TRPS1: variants seen among roughly 807,000 people sequenced by gnomAD.
TRPS1 encodes the protein transcriptional repressor GATA binding 1.
TRPS1 carries 6 observed loss-of-function variants against 101.2 expected under a neutral mutation model. The observed-to-expected ratio is 0.06, with a 90% CI of 0.03 to 0.12. TRPS1 has a LOEUF of 0.12. TRPS1 is among the 10% of genes least tolerant of loss of function. The pLI, the probability that TRPS1 is intolerant of heterozygous loss-of-function variation, is 1.00. For missense variants in TRPS1, 1,363 were observed against 1,567.0 expected, an observed-to-expected ratio of 0.87 and a Z score of 2.20; for synonymous variants, 578 against 589.8, an observed-to-expected ratio of 0.98 and a Z score of 0.29.
intron 5 of TRPS1, among the ~76,000 whole-genome samples, chr8:115,520,623 T>A (rs748784623): frequency 6.6e-6 from 1 of 151,844 alleles, no homozygotes; most frequent in Non-Finnish European, 1.5e-5. Flanking sequence ...GGCATGTTCT[T>A]TTAATATACA....
chr8:115,507,309 G>T (rs1208938074), intron 5 of TRPS1, among the ~76,000 whole-genome samples: 2 of 151,906 alleles, frequency 1.3e-5, no homozygotes, highest in African/African-American at 4.8e-5. Flanking sequence ...ATATATAAGG[G>T]GTTTTCAAAT....
At chr8:115,585,332 A>C (rs1338964411) in intron 5 of TRPS1, among the ~76,000 whole-genome samples, 1 of 152,206 alleles carries the variant, frequency 6.6e-6, no homozygotes, top group Non-Finnish European at 1.5e-5. Flanking sequence ...TGCTTAATAA[A>C]TTGTCATTTC....
intron 5 of TRPS1, among the ~76,000 whole-genome samples, chr8:115,483,740 C>G (rs534745009): frequency 6.6e-6 from 1 of 152,218 alleles, no homozygotes; most frequent in Admixed American, 6.5e-5. Flanking sequence ...TGAAAAGGTG[C>G]TATCTCCATC....
intron 4 of TRPS1, among the ~76,000 whole-genome samples, chr8:115,602,961 G>T (rs1185523065): frequency 1.3e-5 from 2 of 152,044 alleles, no homozygotes; most frequent in Non-Finnish European, 2.9e-5. Context: ...CAAACACACT[G>T]CCTTGTACTT....
chr8:115,658,724 A>G (rs1461931571), intron 1 of TRPS1, among the ~76,000 whole-genome samples: 1 of 152,180 alleles, frequency 6.6e-6, no homozygotes, highest in Non-Finnish European at 1.5e-5. Context: ...TACATGATGT[A>G]CATAAATGTA....
chr8:115,492,836 C>T (rs1284067513), intron 5 of TRPS1, among the ~76,000 whole-genome samples: 1 of 152,074 alleles, frequency 6.6e-6, no homozygotes, highest in African/African-American at 2.4e-5. Flanking sequence ...GCCTCAGCCT[C>T]CCGAGTAGCT....
At chr8:115,435,412 G>T (rs1485707100) in intron 5 of TRPS1, among the ~76,000 whole-genome samples, 1 of 152,164 alleles carries the variant, frequency 6.6e-6, no homozygotes, top group African/African-American at 2.4e-5. Flanking sequence ...TGGCTGCAGT[G>T]AAGGAAGAGG....
chr8:115,444,036 C>T (rs1275034070), intron 5 of TRPS1, among the ~76,000 whole-genome samples: 1 of 152,192 alleles, frequency 6.6e-6, no homozygotes, highest in Non-Finnish European at 1.5e-5. Context: ...GAAAAGCAAC[C>T]TAGGGCTCTC....
intron 5 of TRPS1, among the ~76,000 whole-genome samples, chr8:115,557,222 A>G (rs1816842515): frequency 6.6e-6 from 1 of 152,202 alleles, no homozygotes; most frequent in Admixed American, 6.5e-5. Flanking sequence ...CCCTCCCACA[A>G]TACATGGGAA....
At position 115,433,331 on chromosome 8, in the gene TRPS1, C is replaced by T. The variant is rs1007026977; in HGVS notation, c.2701-14879G>A. On this transcript the variant is annotated intron_variant, in intron 5 of 6. Transcript: ENST00000395715. ...GATAGTCAATTTCAAGGGAAAAATT[C>T]TCTAAGTTTCTTACAGAACACAAAA... 3.8e-4 allele frequency among the ~76,000 whole-genome samples: 58 copies of T among 151,800 alleles called. 1 individual carries two copies. The highest frequency in any genetic ancestry group is 3.5e-3 in the Admixed American group (54 of 15,234).
chr8:115,582,457 C>T (rs1450186553), intron 5 of TRPS1, among the ~76,000 whole-genome samples: 7 of 152,184 alleles, frequency 4.6e-5, no homozygotes. Context: ...ATAACATTCT[C>T]ATTGTACTGT....
At chr8:115,654,536 A>T (rs1811636844) in intron 1 of TRPS1, among the ~76,000 whole-genome samples, 3 of 152,182 alleles carry the variant, frequency 2.0e-5, no homozygotes, top group Non-Finnish European at 4.4e-5. Flanking sequence ...TGAATAAAGA[A>T]ACATCCATTT....
chr8:115,541,470 A>G (rs1221362116), intron 5 of TRPS1, among the ~76,000 whole-genome samples: 1 of 152,216 alleles, frequency 6.6e-6, no homozygotes, highest in Non-Finnish European at 1.5e-5. Context: ...TTCACCTTTA[A>G]AAAGTAACCT....
At chr8:115,668,224 A>G (rs1160478062) in intron 1 of TRPS1, 12 of 390,004 alleles carry the variant, frequency 3.1e-5, no homozygotes, top group African/African-American at 8.2e-5. Flanking sequence ...AGGAAGGGGG[A>G]AAAAGGGAGC....
chr8:115,533,436 G>GTTTTTGTTTTT (rs1816187955), intron 5 of TRPS1, among the ~76,000 whole-genome samples: 2 of 34,986 alleles, frequency 5.7e-5, no homozygotes, highest in African/African-American at 2.1e-4. Flanking sequence ...CATGTAATCT[G>GTTTTTGTTTTT]TTTTTTTTTT....
chr8:115,486,587 C>CT (rs777350025), intron 5 of TRPS1, among the ~76,000 whole-genome samples: 17 of 152,196 alleles, frequency 1.1e-4, no homozygotes, highest in Non-Finnish European at 2.2e-4. Context: ...ATTAAAAGTG[C>CT]TAGTCACGTG....
chr8:115,602,293 T>A (rs1817926411), intron 4 of TRPS1, among the ~76,000 whole-genome samples: 1 of 152,222 alleles, frequency 6.6e-6, no homozygotes. Flanking sequence ...GAATGGACTA[T>A]CTGATTTTTA....
At chr8:115,585,490 C>T (rs946920953) in intron 5 of TRPS1, among the ~76,000 whole-genome samples, 14 of 152,004 alleles carry the variant, frequency 9.2e-5, no homozygotes, top group African/African-American at 3.4e-4. Context: ...GATATAAGGC[C>T]CCCAAATATA....
At chr8:115,419,806 A>T (rs1031429793) in intron 5 of TRPS1, among the ~76,000 whole-genome samples, 3 of 152,212 alleles carry the variant, frequency 2.0e-5, no homozygotes, top group African/African-American at 7.2e-5. Flanking sequence ...TTTTCCATCC[A>T]GATGCAAGTG....
Sources: gnomAD v4.1 joint callset for allele counts (sites outside exome capture counted in the v4.1 genomes callset) on GRCh38, gnomAD v4.1.1 for gene constraint, MANE v1.5 for transcripts, NCBI Gene and HGNC (gene_info 2026-07-23, HGNC 2026-07-21) for gene names.